Variants in ZNF730 observed in about 807,000 individuals in gnomAD.
ZNF730 encodes the protein zinc finger protein 730.
Under a neutral mutation model 12.6 loss-of-function variants are expected in ZNF730, and 12 were observed. The observed-to-expected ratio is 0.95, with a 90% CI of 0.61 to 1.54. The LOEUF is 1.54. ZNF730 is among the 40% of genes most tolerant of loss of function. The pLI, the probability that ZNF730 is intolerant of heterozygous loss-of-function variation, is 0.00. For synonymous variants in ZNF730, 194 were observed against 195.8 expected, an observed-to-expected ratio of 0.99 and a Z score of 0.08; for missense variants, 643 against 583.5, an observed-to-expected ratio of 1.10 and a Z score of -1.05.
At chr19:23,115,136 TAA>T (rs10716674), upstream of ZNF730, among the ~76,000 whole-genome samples, 139 of 146,920 alleles carry the variant, frequency 9.5e-4, no homozygotes, top group Middle Eastern at 3.5e-3. Context: ...GGCACAAATC[TAA>T]AAAAAAAAAA....
chr19:23,114,305 C>CTTTTTTTTTTTTTTTTTT (rs869304180), upstream of ZNF730, among the ~76,000 whole-genome samples: 1 of 103,508 alleles, frequency 9.7e-6, no homozygotes, highest in African/African-American at 3.5e-5. Context: ...TTTTTCTTTT[C>CTTTTTTTTTTTTTTTTTT]TTTTTTTTTT....
intron 1 of ZNF730, among the ~76,000 whole-genome samples, chr19:23,080,727 G>A (rs138554861): frequency 1.4e-4 from 21 of 151,992 alleles, no homozygotes; most frequent in African/African-American, 5.1e-4. Flanking sequence ...CCAAATCATT[G>A]CCAAACCCAT....
chr19:23,085,484 C>A (rs1970043108), intron 1 of ZNF730, among the ~76,000 whole-genome samples: 1 of 142,262 alleles, frequency 7.0e-6, no homozygotes, highest in Non-Finnish European at 1.5e-5. Context: ...AGGCATGAGC[C>A]ACCATGCCCG....
intron 3 of ZNF730, among the ~76,000 whole-genome samples, chr19:23,140,629 T>TAA (rs1970903441): frequency 7.2e-6 from 1 of 138,238 alleles, no homozygotes; most frequent in African/African-American, 2.7e-5. Context: ...AAAAAAGATG[T>TAA]AAAAACATAT....
chr19:23,105,335 T>G (rs949995644), intron 1 of ZNF730, among the ~76,000 whole-genome samples: 1 of 152,068 alleles, frequency 6.6e-6, no homozygotes, highest in African/African-American at 2.4e-5. Context: ...CAGCTGCTCC[T>G]AAACTCCTGA....
chr19:23,106,575 T>C (rs1970394725), intron 1 of ZNF730, among the ~76,000 whole-genome samples: 1 of 152,058 alleles, frequency 6.6e-6, no homozygotes, highest in Non-Finnish European at 1.5e-5. Flanking sequence ...GTGGATCACC[T>C]GAGGTCGAGA....
intron 1 of ZNF730, among the ~76,000 whole-genome samples, chr19:23,087,010 T>C (rs1462737565): frequency 6.7e-6 from 1 of 149,740 alleles, no homozygotes; most frequent in Non-Finnish European, 1.5e-5. Flanking sequence ...TCACCTCCCT[T>C]GTTAGCTGTA....
chr19:23,139,578 G>A (rs1970884556), intron 3 of ZNF730, among the ~76,000 whole-genome samples: 1 of 152,046 alleles, frequency 6.6e-6, no homozygotes, highest in Admixed American at 6.6e-5. Context: ...AGGCTGGAGT[G>A]CAGTGGCACG....
At chr19:23,115,237 G>T (rs956094515), upstream of ZNF730, among the ~76,000 whole-genome samples, 3 of 152,098 alleles carry the variant, frequency 2.0e-5, no homozygotes, top group Non-Finnish European at 4.4e-5. Context: ...CTATGGAGGT[G>T]CCTGAGCTTT....
intron 1 of ZNF730, among the ~76,000 whole-genome samples, chr19:23,085,741 G>A (rs992689051): frequency 1.3e-5 from 2 of 149,382 alleles, no homozygotes; most frequent in African/African-American, 4.9e-5. Flanking sequence ...GTCTCGAACT[G>A]CTGACCTCAG....
In ZNF730 at chr19:23,147,002, T is replaced by C. The variant is rs1971026001; in HGVS notation, c.*446T>C. ...GAATGTGACAAAGCCATTAAATTGT[T>C]GTCACATTTAATTGTAGGTAAGGTG... On this transcript the variant is annotated 3_prime_UTR_variant, in exon 4 of 4. Coordinates refer to ENST00000597761, the MANE Select transcript of ZNF730 (RefSeq NM_001277403.2). The C allele has an allele frequency of 3.0e-6, 1 of 329,176 alleles. No individual in the cohort carries two copies. Among genetic ancestry groups the C allele is most frequent in the Non-Finnish European group, 5.8e-6 (1 of 173,326 alleles). 20.4% of individuals were successfully genotyped at this position (329,176 alleles called of 1,614,324 possible).
chr19:23,083,545 C>T (rs779926835), intron 1 of ZNF730, among the ~76,000 whole-genome samples: 19 of 151,932 alleles, frequency 1.3e-4, no homozygotes, highest in African/African-American at 4.1e-4. Context: ...TTTACACTCC[C>T]GCCAACAGTG....
chr19:23,125,328 T>C (rs1970650127), intron 1 of ZNF730, among the ~76,000 whole-genome samples: 1 of 151,952 alleles, frequency 6.6e-6, no homozygotes, highest in Non-Finnish European at 1.5e-5. Flanking sequence ...CAGGCAGAGG[T>C]TGGAGCAGTT....
chr19:23,134,225 T>A lies in ZNF730; in HGVS notation c.130+19T>A. ...TTCCTGGGTGAGGATAACTTTAATA[T>A]ACAATTCCTAATATACCCTATAGAT... is the stretch of plus-strand genomic sequence containing the variant. On this transcript the variant is annotated intron_variant, in intron 2 of 3. Transcript: ENST00000597761. 6.3e-7 allele frequency: 1 copy of A among 1,578,904 alleles called. No individual in the cohort carries two copies. The highest frequency in any genetic ancestry group is 8.6e-7 in the Non-Finnish European group (1 of 1,159,660).
intron 1 of ZNF730, among the ~76,000 whole-genome samples, chr19:23,094,121 G>A (rs558303687): frequency 3.9e-5 from 6 of 152,220 alleles, no homozygotes; most frequent in Admixed American, 3.3e-4. Flanking sequence ...AAGTGGCTGC[G>A]GCTCTGGGGA....
chr19:23,093,924 T>C (rs1404452084), intron 1 of ZNF730, among the ~76,000 whole-genome samples: 1 of 152,214 alleles, frequency 6.6e-6, no homozygotes, highest in East Asian at 1.9e-4. Context: ...TTTCCTTCTG[T>C]CTGCCAGGTC....
At chr19:23,093,947 G>A (rs1294387155) in intron 1 of ZNF730, among the ~76,000 whole-genome samples, 1 of 152,204 alleles carries the variant, frequency 6.6e-6, no homozygotes, top group Non-Finnish European at 1.5e-5. Flanking sequence ...CCAGATGTTT[G>A]CCAAGAGTGT....
intron 1 of ZNF730, among the ~76,000 whole-genome samples, chr19:23,105,763 T>C (rs1347105597): frequency 6.6e-6 from 1 of 152,236 alleles, no homozygotes; most frequent in Non-Finnish European, 1.5e-5. Flanking sequence ...TTGCTAACTT[T>C]ATTTTCAATT....
Position 23,093,753 on chromosome 19 carries a change from G to GCCCTTCCT in ZNF730, c.-94+18369_-94+18376dup, listed in dbSNP as rs1299993243. Among the ~76,000 whole-genome samples, 3 of 152,334 alleles carry GCCCTTCCT rather than the reference G, an allele frequency of 2.0e-5. No homozygotes were observed. The East Asian group carries it at 5.8e-4, about 29-fold the overall frequency. On this transcript the variant is annotated intron_variant, in intron 1 of 2. Transcript: ENST00000593635. ...ACTAAGGGGCAGTCCCTGCACTTGA[G>GCCCTTCCT]CCCTTCCTCCTCTTTCCACCACCTA... is the stretch of plus-strand genomic sequence containing the variant.
Sources: allele counts gnomAD v4.1 joint callset (sites outside exome capture counted in the v4.1 genomes callset), GRCh38; gene constraint gnomAD v4.1.1; transcripts MANE v1.5; gene names NCBI Gene and HGNC (gene_info 2026-07-23, HGNC 2026-07-21).